Variants in PIEZO2 observed in about 807,000 individuals in gnomAD.
The protein encoded by PIEZO2 is piezo-type mechanosensitive ion channel component 2.
PIEZO2 carries 172 observed loss-of-function variants against 337.3 expected under a neutral mutation model. The ratio of observed to expected loss-of-function variants is 0.51; its 90% CI spans 0.45 to 0.58. PIEZO2 has a LOEUF of 0.58. Among genes scored for constraint, PIEZO2 ranks in the 20% least tolerant of loss-of-function variants. The pLI, the probability that PIEZO2 is intolerant of heterozygous loss-of-function variation, is 0.00. For synonymous variants in PIEZO2, 1,251 were observed against 1,228.5 expected, an observed-to-expected ratio of 1.02 and a Z score of -0.38; for missense variants, 3,028 against 3,391.3, an observed-to-expected ratio of 0.89 and a Z score of 2.66.
At position 11,105,539 on chromosome 18, in the gene PIEZO2, G is replaced by A. The variant is rs1456071464; in HGVS notation, c.65-39317C>T. On this transcript the variant is annotated intron_variant, in intron 1 of 55. Transcript: ENST00000674853. This position sits in a 1 kb window ranked among gnomAD's most constrained non-coding sequence, Gnocchi z 4.3. The stretch of plus-strand genomic sequence containing the variant: ...CTCCTGCTTGTTATGAGCTCAGAAA[G>A]CTTTAGGTGTGGGGTTTTGACGAAA... 1.3e-5 allele frequency among the ~76,000 whole-genome samples: 2 copies of A among 152,008 alleles called. No individual in the cohort carries two copies.
In PIEZO2 at chr18:10,726,383, G is replaced by A. The variant is rs7236757; in HGVS notation, c.5029+5024C>T. On this transcript the variant is annotated intron_variant, in intron 36 of 55. Coordinates refer to ENST00000674853, the MANE Select transcript of PIEZO2 (RefSeq NM_001378183.1). The surrounding 1 kb of genome is among the most constrained non-coding windows in gnomAD (Gnocchi z 5.9). ...TCCCCGCAGGCACCCACTACCTGCG[G>A]GGCGGTAACAACGCGCGCCAGCCGT... 4,825 of 1,522,166 alleles carry A rather than the reference G, an allele frequency of 3.2e-3. 144 individuals are homozygous for A. The African/African-American group carries it at 0.06, about 19-fold the overall frequency. 94.3% of individuals were successfully genotyped at this position (1,522,166 alleles called of 1,614,324 possible).
chr18:10,941,455 C>T (rs2145251406), intron 3 of PIEZO2, among the ~76,000 whole-genome samples: 1 of 152,254 alleles, frequency 6.6e-6, no homozygotes, highest in Admixed American at 6.5e-5. Context: ...GAAATGAACC[C>T]CACACAAATT....
intron 3 of PIEZO2, among the ~76,000 whole-genome samples, chr18:10,950,314 C>T (rs973486391): frequency 4.6e-5 from 7 of 152,152 alleles, no homozygotes; most frequent in Non-Finnish European, 8.8e-5. Flanking sequence ...GTGCCAGGCA[C>T]GAGGCTTAAA....
chr18:11,012,565 A>C (rs2035941801), intron 2 of PIEZO2, among the ~76,000 whole-genome samples: 4 of 152,246 alleles, frequency 2.6e-5, no homozygotes, highest in Admixed American at 2.0e-4. Flanking sequence ...CTTGGGCACC[A>C]GCTCAGGTGC....
rs2041857362 is a variant in PIEZO2 at position 10,861,013 on chromosome 18, C to T, written c.493-3802G>A. On this transcript the variant is annotated intron_variant, in intron 5 of 55. Coordinates refer to ENST00000674853, the MANE Select transcript of PIEZO2 (RefSeq NM_001378183.1). This position sits in a 1 kb window ranked among gnomAD's most constrained non-coding sequence, Gnocchi z 4.3. ...TTAGACTCTGTGAGCCCCTACTGTC[C>T]TGGTAGGTCAGGGCCAGAACTGCCA... 6.6e-6 allele frequency among the ~76,000 whole-genome samples: 1 copy of T among 152,194 alleles called. No homozygotes were observed. The highest frequency in any genetic ancestry group is 2.4e-5 in the African/African-American group (1 of 41,442).
rs1435919817 is a variant in PIEZO2, at chr18:10,895,733, TG to T, written c.329+15452del. ...AATGGACTACCAGCAACAGGTGTAATGGGTGCTGATGATGTTGTTTCTGTCT... is the reference window on the plus strand; with the variant it reads ...AATGGACTACCAGCAACAGGTGTAATGGTGCTGATGATGTTGTTTCTGTCT... On this transcript the variant is annotated intron_variant, in intron 4 of 55. Transcript: ENST00000674853. This position sits in a 1 kb window ranked among gnomAD's most constrained non-coding sequence, Gnocchi z 4.8. 1.3e-5 allele frequency among the ~76,000 whole-genome samples: 2 copies of T among 152,124 alleles called. No homozygotes were observed. Among genetic ancestry groups the T allele is most frequent in the Non-Finnish European group, 2.9e-5 (2 of 68,030 alleles).
At chr18:10,796,911 T>C (rs976825367) in intron 12 of PIEZO2, among the ~76,000 whole-genome samples, 1 of 152,146 alleles carries the variant, frequency 6.6e-6, no homozygotes, top group Non-Finnish European at 1.5e-5. Context: ...TATCATATCT[T>C]ACATACCATC....
chr18:10,883,241 T>C (rs2042474587), intron 4 of PIEZO2, among the ~76,000 whole-genome samples: 1 of 152,168 alleles, frequency 6.6e-6, no homozygotes, highest in African/African-American at 2.4e-5. Context: ...AGTATAAATA[T>C]CTCCTTGACA....
chr18:10,825,173 C>G (rs1734760777), intron 7 of PIEZO2, among the ~76,000 whole-genome samples: 1 of 152,074 alleles, frequency 6.6e-6, no homozygotes, highest in Non-Finnish European at 1.5e-5. Context: ...CACCTAATGT[C>G]CTTTATCCAC....
rs541075023 is a variant in PIEZO2 at position 10,708,405 on chromosome 18, G to A, written c.5458C>T (p.Gln1820Ter). 2 of 152,822 alleles carry A rather than the reference G, an allele frequency of 1.3e-5. No individual in the cohort carries two copies. Among genetic ancestry groups the A allele is most frequent in the South Asian group, 4.1e-4 (2 of 4,824 alleles). 9.5% of individuals were successfully genotyped at this position (152,822 alleles called of 1,614,324 possible). Residue 1820 changes from glutamine (Q) to a stop codon, truncating the protein, a stop_gained, in exon 40 of 56, where the codon CAG becomes TAG. Transcript: ENST00000674853. LOFTEE classifies it high-confidence loss of function. ...YTEATMLFSR[Q>*]STLDDLDGQE... is the part of the protein sequence containing the mutation. ...CCATCTAAATCATCAAGGGTGGACT[G>A]CCTTGAGAACAGCATGGTTGCTTCA... is the stretch of plus-strand genomic sequence containing the variant.
intron 7 of PIEZO2, among the ~76,000 whole-genome samples, chr18:10,836,028 T>A (rs9951907): frequency 2.9e-4 from 44 of 152,018 alleles, no homozygotes; most frequent in African/African-American, 9.9e-4. Context: ...TAAGCCTATG[T>A]CGCTTATGCT....
rs143669678 is a variant in PIEZO2 at position 11,026,115 on chromosome 18, G to A, written c.160+40012C>T. ...GCCGGTTTGCCAGGGCAGGCTGAACGGCGCCTTTACAAACATGCAATTGAG... is the reference window on the plus strand; with the variant it reads ...GCCGGTTTGCCAGGGCAGGCTGAACAGCGCCTTTACAAACATGCAATTGAG... On this transcript the variant is annotated intron_variant, in intron 2 of 55. Coordinates refer to ENST00000674853, the MANE Select transcript of PIEZO2 (RefSeq NM_001378183.1). Among the ~76,000 whole-genome samples the A allele has an allele frequency of 6.9e-3, 1,046 of 152,322 alleles. 6 individuals are homozygous for A. The highest frequency in any genetic ancestry group is 0.037 in the Middle Eastern group (11 of 294).
At chr18:10,887,312 G>A (rs770030897) in intron 4 of PIEZO2, among the ~76,000 whole-genome samples, 14 of 150,010 alleles carry the variant, frequency 9.3e-5, no homozygotes, top group Non-Finnish European at 1.8e-4. Context: ...CTCGTGATCC[G>A]CCCACCTCAG....
intron 2 of PIEZO2, among the ~76,000 whole-genome samples, chr18:11,036,178 C>T (rs2036920638): frequency 6.6e-6 from 1 of 152,128 alleles, no homozygotes. Context: ...GTATCTTATG[C>T]CTAAGGTAAG....
chr18:11,100,974 T>G lies in PIEZO2; in HGVS notation c.65-34752A>C, dbSNP rs79588686. On this transcript the variant is annotated intron_variant, in intron 1 of 55. Transcript: ENST00000674853. ...ACGAAGAAGGGCAAAGAAGACCAACTTAAACTCAGGGGGTCATAGTTAACT... is the reference window on the plus strand; with the variant it reads ...ACGAAGAAGGGCAAAGAAGACCAACGTAAACTCAGGGGGTCATAGTTAACT... 1.1e-3 allele frequency among the ~76,000 whole-genome samples: 167 copies of G among 152,294 alleles called. 3 individuals are homozygous for G. The highest frequency in any genetic ancestry group is 3.9e-3 in the African/African-American group (163 of 41,578).
intron 3 of PIEZO2, among the ~76,000 whole-genome samples, chr18:10,932,287 TG>T (rs1324159164): frequency 2.6e-5 from 4 of 152,046 alleles, no homozygotes; most frequent in African/African-American, 9.7e-5. Context: ...TCCCAGCTAC[TG>T]GGGAGGCTGA....
At chr18:10,804,850 T>C (rs2039946184) in intron 8 of PIEZO2, among the ~76,000 whole-genome samples, 1 of 152,216 alleles carries the variant, frequency 6.6e-6, no homozygotes. Context: ...AGCTTCTTTT[T>C]CTCATTGACT....
intron 1 of PIEZO2, among the ~76,000 whole-genome samples, chr18:11,076,231 T>C (rs2145961839): frequency 6.6e-6 from 1 of 152,328 alleles, no homozygotes; most frequent in Middle Eastern, 3.4e-3. Flanking sequence ...TCCTCACACT[T>C]CAAGAAAGAG....
Position 10,748,716 on chromosome 18 carries a change from G to T in PIEZO2, c.4265-86C>A. The T allele has an allele frequency of 8.1e-7, 1 of 1,232,472 alleles. No homozygotes were observed. Among genetic ancestry groups the T allele is most frequent in the African/African-American group, 1.6e-5 (1 of 64,152 alleles). 76.3% of individuals were successfully genotyped at this position (1,232,472 alleles called of 1,614,324 possible). ...AAAATCTGAGGTATGGTCAGGCTTG[G>T]GAAATATAGGCATAAAAGCAGCATT... On this transcript the variant is annotated intron_variant, in intron 29 of 55. Coordinates refer to ENST00000674853, the MANE Select transcript of PIEZO2 (RefSeq NM_001378183.1). The surrounding 1 kb of genome is among the most constrained non-coding windows in gnomAD (Gnocchi z 5.1).
Sources: gnomAD v4.1 joint callset for allele counts (sites outside exome capture counted in the v4.1 genomes callset) on GRCh38, gnomAD v4.1.1 for gene constraint, Gnocchi (gnomAD v3.1) non-coding constraint, MANE v1.5 for transcripts, NCBI Gene and HGNC (gene_info 2026-07-23, HGNC 2026-07-21) for gene names.